Variants in MDGA1 observed in about 807,000 individuals in gnomAD.
MDGA1 encodes MAM domain-containing glycosylphosphatidylinositol anchor protein 1.
In MDGA1, 54 loss-of-function variants were observed where a neutral mutation model predicts 101.5. The observed-to-expected ratio is 0.53, with a 90% CI of 0.43 to 0.67. The LOEUF (loss-of-function observed/expected upper bound fraction) is 0.67, where lower values mean the gene tolerates loss of function less well. Among genes scored for constraint, MDGA1 ranks in the 30% least tolerant of loss-of-function variants. MDGA1 has a pLI of 0.00. For missense variants in MDGA1, 1,083 were observed against 1,323.8 expected (o/e 0.82, Z 2.82); for synonymous variants, 533 against 558.3 (o/e 0.95, Z 0.64).
At chr6:37,657,159 T>TAA (rs5875590) in intron 3 of MDGA1, among the ~76,000 whole-genome samples, 1 of 150,902 alleles carries the variant, frequency 6.6e-6, no homozygotes, top group Non-Finnish European at 1.5e-5. Flanking sequence ...ATCCTCACTT[T>TAA]AAAAAAATAA....
chr6:37,677,301 G>A (rs1762001477), intron 1 of MDGA1, among the ~76,000 whole-genome samples: 1 of 152,146 alleles, frequency 6.6e-6, no homozygotes, highest in South Asian at 2.1e-4. Flanking sequence ...CCATAAAACT[G>A]TTCCTATCCT....
chr6:37,649,371 G>T, intron 8 of MDGA1, 105 bp from the exon 9 acceptor site: 1 of 1,386,608 alleles, frequency 7.2e-7, no homozygotes, highest in Non-Finnish European at 9.3e-7. Flanking sequence ...GTGAGCCCCC[G>T]CCAGGAAAAA....
Position 37,652,386 on chromosome 6 carries a change from C to G in MDGA1, c.983-46G>C. On this transcript the variant is annotated intron_variant, in intron 6 of 16. Coordinates refer to ENST00000434837, the MANE Select transcript of MDGA1 (RefSeq NM_153487.4). This position sits in a 1 kb window ranked among gnomAD's most constrained non-coding sequence, Gnocchi z 4.3. ...AAGGGTAGTTGGGGTTGGCCTGACT[C>G]CAGGGGTCCATGTCCCACCCCAACC... The G allele has an allele frequency of 6.8e-7, 1 of 1,473,854 alleles. No homozygotes were observed. The highest frequency in any genetic ancestry group is 2.4e-5 in the East Asian group (1 of 40,978). 91.3% of individuals were successfully genotyped at this position (1,473,854 alleles called of 1,614,324 possible).
At position 37,696,717 on chromosome 6, in the gene MDGA1, C is replaced by T. The variant is rs1358833346; in HGVS notation, c.67+28G>A. 3.2e-6 allele frequency: 5 copies of T among 1,562,078 alleles called. No homozygotes were observed. The highest frequency in any genetic ancestry group is 1.9e-5 in the Admixed American group (1 of 53,042). ...GCAAAGTTTCCGCGCGAGGTTAAGCCAAGGTGGAGCGGGACGCGGGCTCTT... is the reference window on the plus strand; with the variant it reads ...GCAAAGTTTCCGCGCGAGGTTAAGCTAAGGTGGAGCGGGACGCGGGCTCTT... On this transcript the variant is annotated intron_variant, in intron 1 of 16. Coordinates refer to ENST00000434837, the MANE Select transcript of MDGA1 (RefSeq NM_153487.4). The surrounding 1 kb of genome is among the most constrained non-coding windows in gnomAD (Gnocchi z 5.6).
Position 37,655,555 on chromosome 6 carries a change from G to A in MDGA1, c.579+145C>T, listed in dbSNP as rs1761464383. On this transcript the variant is annotated intron_variant, in intron 4 of 16. Transcript: ENST00000434837. This position sits in a 1 kb window ranked among gnomAD's most constrained non-coding sequence, Gnocchi z 5.1. Reference sequence around the variant, plus strand: ...CCATCTGATTTTTCTGCCCCAGGCTGTCTGAACTCCAATCAGAATGTGTGT... The same window carrying A: ...CCATCTGATTTTTCTGCCCCAGGCTATCTGAACTCCAATCAGAATGTGTGT... 6.0e-6 allele frequency: 4 copies of A among 671,098 alleles called. No individual in the cohort carries two copies. In the South Asian group the frequency reaches 8.0e-5, roughly 13 times the overall value. The allele number at this position is 671,098 out of a possible 1,614,324, so 41.6% of individuals were successfully genotyped here.
chr6:37,665,292 G>A (rs1761723339), intron 1 of MDGA1, among the ~76,000 whole-genome samples: 1 of 152,178 alleles, frequency 6.6e-6, no homozygotes, highest in South Asian at 2.1e-4. Flanking sequence ...AGTGAAGGTA[G>A]AAGGCCTGAT....
In MDGA1 at chr6:37,637,200, T is replaced by G; in HGVS notation, c.*168A>C. On this transcript the variant is annotated 3_prime_UTR_variant, in exon 17 of 17. Transcript: ENST00000434837. ...CAGCTGTCTCCAGGGCCTCAGTGCC[T>G]GGCCTCTGTCCTTGTTCTCTGCTCA... 1.7e-6 allele frequency: 1 copy of G among 587,008 alleles called. No homozygotes were observed. The highest frequency in any genetic ancestry group is 3.1e-6 in the Non-Finnish European group (1 of 325,852). 36.4% of individuals were successfully genotyped at this position (587,008 alleles called of 1,614,324 possible).
Position 37,655,751 on chromosome 6 carries a change from T to C in MDGA1, c.528A>G (p.Leu176=). 2 of 1,613,290 alleles carry C rather than the reference T, an allele frequency of 1.2e-6. No individual in the cohort carries two copies. Among genetic ancestry groups the C allele is most frequent in the Non-Finnish European group, 1.7e-6 (2 of 1,179,636 alleles). ...RFIWKRGSDT[L]SHSQDNGVDI... Reference sequence around the variant, plus strand: ...CAACCCCATTGTCCTGGCTGTGGGATAGGGTATCGGAACCCCGCTTCCAGA... The same window carrying C: ...CAACCCCATTGTCCTGGCTGTGGGACAGGGTATCGGAACCCCGCTTCCAGA... The change falls in exon 4 of 17, where the codon CTA becomes CTG. Residue 176 remains leucine (L), a synonymous_variant. Transcript: ENST00000434837. The surrounding 1 kb of genome is among the most constrained non-coding windows in gnomAD (Gnocchi z 5.1).
rs139340586 is a variant in MDGA1, at chr6:37,653,850, T to C, written c.982+424A>G. Among the ~76,000 whole-genome samples, 23 of 152,302 alleles carry C rather than the reference T, an allele frequency of 1.5e-4. 1 individual carries two copies. The East Asian group carries it at 4.3e-3, about 28-fold the overall frequency. ...TATTTCCATATAGGGCATATGGAAA[T>C]GTGTGTTATTTTCACTTAAATTCAG... is the stretch of plus-strand genomic sequence containing the variant. On this transcript the variant is annotated intron_variant, in intron 6 of 16. Transcript: ENST00000434837.
Position 37,637,313 on chromosome 6 carries a change from G to A in MDGA1, c.*55C>T, listed in dbSNP as rs1168338032. ...GGCGGGGGTCAGTCTTTGGTACAATGTGGACACTTTGGTGTGCCGGGGGCA... is the reference window on the plus strand; with the variant it reads ...GGCGGGGGTCAGTCTTTGGTACAATATGGACACTTTGGTGTGCCGGGGGCA... On this transcript the variant is annotated 3_prime_UTR_variant, in exon 17 of 17. Coordinates refer to ENST00000434837, the MANE Select transcript of MDGA1 (RefSeq NM_153487.4). 6.8e-7 allele frequency: 1 copy of A among 1,460,492 alleles called. No individual in the cohort carries two copies. Among genetic ancestry groups the A allele is most frequent in the Admixed American group, 1.7e-5 (1 of 58,968 alleles). The allele number at this position is 1,460,492 out of a possible 1,614,324, so 90.5% of individuals were successfully genotyped here.
intron 1 of MDGA1, among the ~76,000 whole-genome samples, chr6:37,687,463 C>T (rs533379751): frequency 3.2e-4 from 49 of 151,386 alleles, no homozygotes; most frequent in Admixed American, 3.9e-4. Context: ...CAGCTACTCA[C>T]GAGGCTGAGG....
Position 37,697,807 on chromosome 6 carries a change from G to A in MDGA1, c.-996C>T, listed in dbSNP as rs941800320. The A allele has an allele frequency of 5.3e-5, 8 of 149,548 alleles. No homozygotes were observed. The highest frequency in any genetic ancestry group is 1.9e-4 in the African/African-American group (8 of 41,218). The allele number at this position is 149,548 out of a possible 1,614,324, so 9.3% of individuals were successfully genotyped here. ...GGCCCAGAGCGGGCGGGGCCGGGCCGGGCTCCGGGGCGCGGCGGCCGCTCG... is the reference window on the plus strand; with the variant it reads ...GGCCCAGAGCGGGCGGGGCCGGGCCAGGCTCCGGGGCGCGGCGGCCGCTCG... On this transcript the variant is annotated 5_prime_UTR_variant, in exon 1 of 17. Transcript: ENST00000434837.
At chr6:37,639,029 G>A (rs10947686) in intron 14 of MDGA1, 100,141 of 216,788 alleles carry the variant, frequency 0.46, 24,648 homozygotes, top group East Asian at 0.6. Context: ...GTCTGGGCAC[G>A]CAGCAGGGTT....
rs770079407 is a variant in MDGA1, at chr6:37,644,659, A to C, written c.2249-10T>G. 6.4e-7 allele frequency: 1 copy of C among 1,555,618 alleles called. No homozygotes were observed. The highest frequency in any genetic ancestry group is 1.2e-5 in the South Asian group (1 of 81,794). On this transcript the variant is annotated splice_polypyrimidine_tract_variant and intron_variant, in intron 12 of 16. Transcript: ENST00000434837. ...AAGTGGCAGGTGTTGTCTGCATTTT[A>C]TGGGGCGAATGAGACAAAGAGTCAG... is the stretch of plus-strand genomic sequence containing the variant.
At position 37,638,149 on chromosome 6, in the gene MDGA1, C is replaced by T. The variant is rs759208701; in HGVS notation, c.2776+56G>A. On this transcript the variant is annotated intron_variant, in intron 16 of 16. Coordinates refer to ENST00000434837, the MANE Select transcript of MDGA1 (RefSeq NM_153487.4). This position sits in a 1 kb window ranked among gnomAD's most constrained non-coding sequence, Gnocchi z 4.8. Reference sequence around the variant, plus strand: ...ACCCTCCCTCAACAGACAGGAACCCCCGCCACGCACAGCTCCCTCCAGATT... The same window carrying T: ...ACCCTCCCTCAACAGACAGGAACCCTCGCCACGCACAGCTCCCTCCAGATT... 1 of 1,468,778 alleles carries T rather than the reference C, an allele frequency of 6.8e-7. No individual in the cohort carries two copies. Among genetic ancestry groups the T allele is most frequent in the Non-Finnish European group, 9.5e-7 (1 of 1,051,796 alleles). The allele number at this position is 1,468,778 out of a possible 1,614,324, so 91.0% of individuals were successfully genotyped here. A position where few individuals can be genotyped will look rare whatever the true frequency, so the allele number is the denominator to read the frequency against.
intron 2 of MDGA1, among the ~76,000 whole-genome samples, chr6:37,663,178 C>T (rs1489398568): frequency 6.6e-6 from 1 of 152,176 alleles, no homozygotes; most frequent in Admixed American, 6.5e-5. Context: ...CCCTTCAGCC[C>T]ACCTCCTCCC....
chr6:37,680,423 T>C (rs1762068882), intron 1 of MDGA1, among the ~76,000 whole-genome samples: 1 of 152,172 alleles, frequency 6.6e-6, no homozygotes, highest in Non-Finnish European at 1.5e-5. Context: ...TGAGCAGAGA[T>C]GCATGAAGGA....
At chr6:37,643,579 G>A (rs1764143690) in intron 14 of MDGA1, among the ~76,000 whole-genome samples, 1 of 152,144 alleles carries the variant, frequency 6.6e-6, no homozygotes. Context: ...TCCCCTGCTG[G>A]GGTCTTCTAT....
At chr6:37,665,395 A>G (rs1391032369) in intron 1 of MDGA1, among the ~76,000 whole-genome samples, 1 of 152,210 alleles carries the variant, frequency 6.6e-6, no homozygotes, top group African/African-American at 2.4e-5. Context: ...AGAGTGATGG[A>G]ACCGACTCTG....
Sources: gnomAD v4.1 joint callset for allele counts (sites outside exome capture counted in the v4.1 genomes callset) on GRCh38, gnomAD v4.1.1 for gene constraint, Gnocchi (gnomAD v3.1) non-coding constraint, MANE v1.5 for transcripts, NCBI Gene and HGNC (gene_info 2026-07-23, HGNC 2026-07-21) for gene names.